SPIRE1: variants seen among roughly 807,000 people sequenced by gnomAD.
The protein encoded by SPIRE1 is protein spire homolog 1.
Under a neutral mutation model 94.1 loss-of-function variants are expected in SPIRE1, and 40 were observed. The observed-to-expected ratio is 0.43, with a 90% CI of 0.33 to 0.55. The LOEUF (loss-of-function observed/expected upper bound fraction) is 0.55, where lower values mean the gene tolerates loss of function less well. SPIRE1 is among the 20% of genes least tolerant of loss of function. The pLI, the probability that SPIRE1 is intolerant of heterozygous loss-of-function variation, is 0.06. For synonymous variants in SPIRE1, 376 were observed against 371.7 expected (o/e 1.01, Z -0.13); for missense variants, 838 against 975.2 (o/e 0.86, Z 1.87).
intron 2 of SPIRE1, among the ~76,000 whole-genome samples, chr18:12,573,140 C>T (rs2035999862): frequency 6.6e-6 from 1 of 151,884 alleles, no homozygotes; most frequent in Non-Finnish European, 1.5e-5. Context: ...TTCTTAAAAC[C>T]CAGTGAGAAA....
chr18:12,577,837 A>T (rs1171035254), intron 2 of SPIRE1, among the ~76,000 whole-genome samples: 1 of 152,102 alleles, frequency 6.6e-6, no homozygotes, highest in Non-Finnish European at 1.5e-5. Context: ...TTGAGTCTAG[A>T]ATGTATTTTT....
intron 2 of SPIRE1, among the ~76,000 whole-genome samples, chr18:12,565,764 G>A (rs1462245661): frequency 4.9e-5 from 7 of 141,918 alleles, no homozygotes; most frequent in Admixed American, 1.4e-4. Context: ...GGCCGGGCGC[G>A]GTGGCTCACG....
intron 4 of SPIRE1, among the ~76,000 whole-genome samples, chr18:12,529,456 G>A (rs978187989): frequency 2.6e-5 from 4 of 151,904 alleles, no homozygotes; most frequent in Non-Finnish European, 4.4e-5. Context: ...AGGTATGAAG[G>A]GTGTGAGTGA....
chr18:12,632,729 A>G (rs1193418841), intron 2 of SPIRE1, among the ~76,000 whole-genome samples: 3 of 132,482 alleles, frequency 2.3e-5, no homozygotes, highest in African/African-American at 7.5e-5. Context: ...AAAAACTTCT[A>G]TTTAGTTAGA....
intron 5 of SPIRE1, among the ~76,000 whole-genome samples, chr18:12,507,845 T>C (rs2033888958): frequency 6.6e-6 from 1 of 152,064 alleles, no homozygotes; most frequent in Non-Finnish European, 1.5e-5. Context: ...CTGTAACTTG[T>C]TAAAATTAAC....
intron 9 of SPIRE1, among the ~76,000 whole-genome samples, chr18:12,482,017 T>C (rs1218089069): frequency 6.6e-6 from 1 of 152,100 alleles, no homozygotes; most frequent in East Asian, 1.9e-4. Flanking sequence ...ATTGGAGTTA[T>C]CATAATAAGA....
intron 2 of SPIRE1, among the ~76,000 whole-genome samples, chr18:12,626,400 T>G (rs1179176072): frequency 6.6e-6 from 1 of 152,122 alleles, no homozygotes; most frequent in Non-Finnish European, 1.5e-5. Context: ...TCATTTTGAG[T>G]AATTTGGAAT....
intron 6 of SPIRE1, 41 bp downstream of exon 6, chr18:12,506,436 G>A: frequency 6.3e-7 from 1 of 1,594,944 alleles, no homozygotes; most frequent in Non-Finnish European, 8.6e-7. Flanking sequence ...TGGGATTACA[G>A]GAGTGAGCCA....
In SPIRE1 at chr18:12,449,166, G is replaced by C. The variant is rs1195073165; in HGVS notation, c.*472C>G. On this transcript the variant is annotated 3_prime_UTR_variant, in exon 17 of 17. Coordinates refer to ENST00000409402, the MANE Select transcript of SPIRE1 (RefSeq NM_001128626.2). ...CTAGGTTCTGTGCTGTGAGCCCCCA[G>C]GTCGTGGAGTGTAGGGCTCTGGATC... 2 of 155,914 alleles carry C rather than the reference G, an allele frequency of 1.3e-5. No homozygotes were observed. The highest frequency in any genetic ancestry group is 2.9e-5 in the Non-Finnish European group (2 of 70,156). The allele number at this position is 155,914 out of a possible 1,614,324, so 9.7% of individuals were successfully genotyped here.
intron 10 of SPIRE1, among the ~76,000 whole-genome samples, chr18:12,470,314 T>C (rs1472795725): frequency 2.6e-5 from 4 of 152,232 alleles, no homozygotes; most frequent in Non-Finnish European, 5.9e-5. Flanking sequence ...AGGTTTGACA[T>C]TAGCATCTGA....
At chr18:12,456,347 C>T (rs1401241138) in intron 12 of SPIRE1, among the ~76,000 whole-genome samples, 7 of 152,144 alleles carry the variant, frequency 4.6e-5, no homozygotes, top group Admixed American at 3.3e-4. Flanking sequence ...AAACTGTGCA[C>T]TAAGTAAGTA....
At chr18:12,495,141 A>G (rs1206527525) in intron 7 of SPIRE1, among the ~76,000 whole-genome samples, 1 of 151,790 alleles carries the variant, frequency 6.6e-6, no homozygotes, top group Non-Finnish European at 1.5e-5. Flanking sequence ...CTTTAGTTGT[A>G]TACAAACTGA....
rs749083073 is a variant in SPIRE1, at chr18:12,512,499, G to A, written c.762C>T (p.Ser254=). The change falls in exon 5 of 17, where the codon AGC becomes AGT. Residue 254 remains serine, a synonymous_variant. Transcript: ENST00000409402. ...NLKKIQEMEK[S]DESSTDLEEL... ...CTTCCAAGTCTGTGCTAGATTCATC[G>A]CTCTTTTCCATTTCTTGAATCTTCT... The A allele has an allele frequency of 3.4e-5, 55 of 1,611,622 alleles. No individual in the cohort carries two copies. Among genetic ancestry groups the A allele is most frequent in the African/African-American group, 1.2e-4 (9 of 74,906 alleles).
At chr18:12,540,942 A>G (rs1408555589) in intron 3 of SPIRE1, among the ~76,000 whole-genome samples, 2 of 152,118 alleles carry the variant, frequency 1.3e-5, no homozygotes, top group African/African-American at 2.4e-5. Flanking sequence ...TTTGTGCAGC[A>G]TATTTGCTCT....
intron 2 of SPIRE1, among the ~76,000 whole-genome samples, chr18:12,556,832 C>T (rs1186979397): frequency 6.6e-6 from 1 of 152,156 alleles, no homozygotes; most frequent in African/African-American, 2.4e-5. Flanking sequence ...AGCGAAAGAA[C>T]AAAGCTTCCA....
At chr18:12,479,176 CTTTT>C (rs35129611) in intron 10 of SPIRE1, among the ~76,000 whole-genome samples, 1 of 122,840 alleles carries the variant, frequency 8.1e-6, no homozygotes, top group Non-Finnish European at 1.7e-5. Context: ...TTTTCTTTTT[CTTTT>C]TTTTTTTTTT....
At chr18:12,512,386 CA>C (rs5823223) in intron 5 of SPIRE1, 67 bp downstream of exon 5, 291,580 of 1,007,120 alleles carry the variant, frequency 0.29, 8,518 homozygotes, top group East Asian at 0.36. Flanking sequence ...GACTCTGTCT[CA>C]AAAAAAAAAA....
intron 4 of SPIRE1, among the ~76,000 whole-genome samples, chr18:12,514,062 G>A (rs934835238): frequency 2.0e-5 from 3 of 151,860 alleles, no homozygotes; most frequent in African/African-American, 2.4e-5. Context: ...GGCTGGTGTC[G>A]AACTCGTCAG....
At chr18:12,457,401 G>T (rs977669349) in intron 12 of SPIRE1, among the ~76,000 whole-genome samples, 2 of 152,174 alleles carry the variant, frequency 1.3e-5, no homozygotes, top group African/African-American at 4.8e-5. Context: ...CACAGATCTC[G>T]CAGAGCTATT....
Sources: gnomAD v4.1 joint callset for allele counts (sites outside exome capture counted in the v4.1 genomes callset) on GRCh38, gnomAD v4.1.1 for gene constraint, MANE v1.5 for transcripts, NCBI Gene and HGNC (gene_info 2026-07-23, HGNC 2026-07-21) for gene names.